Variants in MS4A18 observed in about 807,000 individuals in gnomAD.
The protein encoded by MS4A18 is membrane spanning 4-domains A18.
A neutral mutation model predicts 13.1 loss-of-function variants in MS4A18; 27 were observed. That is an observed-to-expected ratio of 2.06 (90% CI 1.52 to 2.84). The LOEUF (loss-of-function observed/expected upper bound fraction) is 2.84. Ranked by LOEUF, MS4A18 falls within the 30% of genes most tolerant of loss-of-function variation. The pLI, the probability that MS4A18 is intolerant of heterozygous loss-of-function variation, is 0.00. For missense variants in MS4A18, 307 were observed against 196.4 expected (o/e 1.56, Z -3.37); for synonymous variants, 126 against 76.5 (o/e 1.65, Z -3.38).
upstream of MS4A18, among the ~76,000 whole-genome samples, chr11:60,726,546 G>A (rs1853164048): frequency 6.6e-6 from 1 of 152,026 alleles, no homozygotes; most frequent in Non-Finnish European, 1.5e-5. Flanking sequence ...TAGCTCTGGG[G>A]AGGGGACCAA....
chr11:60,739,053 G>A, intron 4 of MS4A18, 56 bp downstream of exon 5: 1 of 698,116 alleles, frequency 1.4e-6, no homozygotes, highest in Non-Finnish European at 2.6e-6. Context: ...GGGCTTCTGA[G>A]GTTGCCTCCC....
At chr11:60,729,036 G>T (rs1054819139), upstream of MS4A18, among the ~76,000 whole-genome samples, 1 of 152,204 alleles carries the variant, frequency 6.6e-6, no homozygotes, top group Admixed American at 6.5e-5. Context: ...AATGCCAACT[G>T]CAGGGGGCTA....
intron 1 of MS4A18, 109 bp from the exon 3 acceptor site, chr11:60,733,425 A>C (rs917067425): frequency 1.5e-6 from 1 of 673,390 alleles, no homozygotes; most frequent in Non-Finnish European, 2.7e-6. Context: ...AGCCCCCAAC[A>C]CCAATCACCC....
chr11:60,732,172 C>T (rs544944340), intron 1 of MS4A18, among the ~76,000 whole-genome samples: 20 of 152,000 alleles, frequency 1.3e-4, no homozygotes, highest in East Asian at 5.8e-4. Flanking sequence ...TCATCCTGGA[C>T]GGGGGCTCAG....
upstream of MS4A18, chr11:60,729,156 TGCCAAGAAA>T: frequency 1.7e-6 from 1 of 600,060 alleles, no homozygotes; most frequent in Non-Finnish European, 3.0e-6. Flanking sequence ...AGTGTGTTCT[TGCCAAGAAA>T]GGCAAGAAGT....
Position 60,738,929 on chromosome 11 carries a change from A to G in MS4A18, c.676A>G (p.Ile226Val), listed in dbSNP as rs778265697. 4 of 703,170 alleles carry G rather than the reference A, an allele frequency of 5.7e-6. No individual in the cohort carries two copies. The South Asian group carries it at 5.9e-5, about 10-fold the overall frequency. The allele number at this position is 703,170 out of a possible 1,614,324, so 43.6% of individuals were successfully genotyped here. ...GAACAGCAGCATCAGCTTCAACATCATCAGCGCACTCTTCGCCTTTGCCGG... is the reference window on the plus strand; with the variant it reads ...GAACAGCAGCATCAGCTTCAACATCGTCAGCGCACTCTTCGCCTTTGCCGG... The change falls in exon 4 of 6, where the codon ATC becomes GTC. Residue 226 changes from isoleucine (I) to valine (V), a missense_variant. Physicochemically the swap from Ile to Val is conservative, Grantham distance 29 (BLOSUM62 3). Coordinates refer to ENST00000529108, the Ensembl canonical transcript of MS4A18.
chr11:60,726,056 T>A (rs1853157406), upstream of MS4A18, among the ~76,000 whole-genome samples: 1 of 152,192 alleles, frequency 6.6e-6, no homozygotes, highest in Admixed American at 6.5e-5. Context: ...GGTAGAACAT[T>A]TCTTCTGGGA....
chr11:60,741,040 A>G, exon 5 of MS4A18: 1 of 702,998 alleles, frequency 1.4e-6, no homozygotes, highest in East Asian at 2.7e-5. Flanking sequence ...ACATATTCAA[A>G]GGCGGTTTCT....
At chr11:60,738,038 G>C (rs1853366831) in intron 3 of MS4A18, among the ~76,000 whole-genome samples, 2 of 152,144 alleles carry the variant, frequency 1.3e-5, no homozygotes, top group Non-Finnish European at 2.9e-5. Flanking sequence ...GACTCGTGGG[G>C]GTCTCCTAGT....
intron 2 of MS4A18, 61 bp from the exon 4 acceptor site, chr11:60,736,917 C>T: frequency 1.5e-6 from 1 of 683,772 alleles, no homozygotes; most frequent in Non-Finnish European, 2.6e-6. Flanking sequence ...GAGTGGACAG[C>T]TGTCTTTTTT....
intron 2 of MS4A18, among the ~76,000 whole-genome samples, chr11:60,734,449 C>T (rs867096208): frequency 3.3e-5 from 5 of 152,178 alleles, no homozygotes; most frequent in South Asian, 4.1e-4. Flanking sequence ...GAAATCAACA[C>T]GTGCTCCAAA....
At chr11:60,724,961 T>C (rs1022685119), upstream of MS4A18, among the ~76,000 whole-genome samples, 18 of 152,124 alleles carry the variant, frequency 1.2e-4, no homozygotes, top group Non-Finnish European at 2.5e-4. Flanking sequence ...CAGCCACCCA[T>C]CCTTGGAGGT....
chr11:60,735,359 A>G (rs1853319530), intron 2 of MS4A18, among the ~76,000 whole-genome samples: 2 of 137,862 alleles, frequency 1.5e-5, no homozygotes, highest in Admixed American at 7.5e-5. Context: ...TTTGAGACGG[A>G]GTCTCGCTCT....
At chr11:60,733,887 A>G (rs534615083) in intron 2 of MS4A18, among the ~76,000 whole-genome samples, 3 of 147,548 alleles carry the variant, frequency 2.0e-5, no homozygotes, top group South Asian at 2.2e-4. Flanking sequence ...ACTATTGGGT[A>G]CAAACACTCA....
At chr11:60,733,069 G>T (rs547431058) in intron 1 of MS4A18, among the ~76,000 whole-genome samples, 1 of 152,360 alleles carries the variant, frequency 6.6e-6, no homozygotes, top group African/African-American at 2.4e-5. Flanking sequence ...ATCACGTGTA[G>T]GAATGCTACG....
At chr11:60,735,745 C>A (rs1353165297) in intron 2 of MS4A18, among the ~76,000 whole-genome samples, 2 of 143,548 alleles carry the variant, frequency 1.4e-5, no homozygotes, top group East Asian at 4.3e-4. Context: ...CTCACTTCAA[C>A]CTCTGCCTCC....
intron 1 of MS4A18, among the ~76,000 whole-genome samples, chr11:60,732,767 A>G (rs923408693): frequency 4.0e-5 from 6 of 150,836 alleles, no homozygotes; most frequent in Admixed American, 3.3e-4. Flanking sequence ...CACCTACTGC[A>G]TGCTAGGAAC....
chr11:60,743,859 C>G (rs1331359750), exon 6 of MS4A18: 1 of 703,026 alleles, frequency 1.4e-6, no homozygotes, highest in Non-Finnish European at 2.6e-6. Context: ...CTGGTCCTGT[C>G]AATGCTAACA....
exon 6 of MS4A18, chr11:60,744,053 T>C (rs1277009011): frequency 3.0e-6 from 2 of 659,352 alleles, no homozygotes; most frequent in Admixed American, 2.1e-5. Flanking sequence ...GGGGATACAC[T>C]GTAGCTGTAT....
Sources: gnomAD v4.1 joint callset for allele counts (sites outside exome capture counted in the v4.1 genomes callset) on GRCh38, gnomAD v4.1.1 for gene constraint, MANE v1.5 for transcripts, NCBI Gene and HGNC (gene_info 2026-07-23, HGNC 2026-07-21) for gene names.